AK9: variants seen among roughly 807,000 people sequenced by gnomAD.
AK9 encodes the protein adenylate kinase domain containing 1.
AK9 carries 191 observed loss-of-function variants against 239.6 expected under a neutral mutation model. The observed-to-expected ratio is 0.80, with a 90% CI of 0.71 to 0.90. The LOEUF (loss-of-function observed/expected upper bound fraction) is 0.90, where lower values mean the gene tolerates loss of function less well. Among genes scored for constraint, AK9 ranks in the 40% least tolerant of loss-of-function variants. The pLI is 0.00. For missense variants in AK9, 1,995 were observed against 2,214.7 expected, an observed-to-expected ratio of 0.90 and a Z score of 1.99; for synonymous variants, 689 against 721.0, an observed-to-expected ratio of 0.96 and a Z score of 0.71.
At chr6:109,534,063 C>T (rs1467360506) in intron 27 of AK9, among the ~76,000 whole-genome samples, 1 of 151,948 alleles carries the variant, frequency 6.6e-6, no homozygotes, top group Non-Finnish European at 1.5e-5. Flanking sequence ...CTCCTTGTAA[C>T]TGATGACAAT....
intron 23 of AK9, 22 bp downstream of exon 23, chr6:109,564,058 A>G (rs1311642702): frequency 6.5e-7 from 1 of 1,535,258 alleles, no homozygotes; most frequent in Admixed American, 2.0e-5. Context: ...TTGATAATAA[A>G]TGTTATGATT....
At chr6:109,670,276 T>G (rs1583516568) in intron 5 of AK9, among the ~76,000 whole-genome samples, 1 of 152,306 alleles carries the variant, frequency 6.6e-6, no homozygotes, top group East Asian at 1.9e-4. Context: ...GAATAACAAT[T>G]AATTTTTTAG....
intron 29 of AK9, chr6:109,528,569 A>G (rs1356671953): frequency 6.6e-6 from 3 of 457,230 alleles, no homozygotes; most frequent in Non-Finnish European, 1.3e-5. Flanking sequence ...TTGACAAAGC[A>G]ACAATTACTT....
intron 12 of AK9, among the ~76,000 whole-genome samples, chr6:109,625,592 G>C (rs1001560034): frequency 1.6e-4 from 25 of 152,164 alleles, no homozygotes; most frequent in African/African-American, 6.0e-4. Flanking sequence ...CTGCACATGC[G>C]AGGGATCTGG....
chr6:109,519,681 A>G (rs1247865984), intron 29 of AK9, among the ~76,000 whole-genome samples: 1 of 151,242 alleles, frequency 6.6e-6, no homozygotes, highest in African/African-American at 2.4e-5. Context: ...CTGCAGTCCC[A>G]GCTACTTGGA....
chr6:109,636,216 C>T (rs890879319), intron 10 of AK9, among the ~76,000 whole-genome samples: 9 of 152,102 alleles, frequency 5.9e-5, no homozygotes, highest in Non-Finnish European at 8.8e-5. Context: ...ACCTGCACAG[C>T]CCCTCCTCTC....
chr6:109,579,689 G>T (rs1788573988), intron 19 of AK9, 63 bp from the exon 20 acceptor site: 2 of 1,334,872 alleles, frequency 1.5e-6, no homozygotes, highest in South Asian at 1.3e-5. Flanking sequence ...ACTATTACAG[G>T]ATTAAATGCT....
intron 10 of AK9, 40 bp from the exon 11 acceptor site, chr6:109,633,363 A>T: frequency 6.4e-7 from 1 of 1,565,638 alleles, no homozygotes; most frequent in Non-Finnish European, 8.6e-7. Context: ...ATGGGCATAA[A>T]TTTTGCTGAA....
intron 28 of AK9, among the ~76,000 whole-genome samples, chr6:109,529,512 G>A (rs1233324228): frequency 2.6e-5 from 4 of 152,134 alleles, no homozygotes; most frequent in Admixed American, 1.3e-4. Flanking sequence ...TCCATGGACC[G>A]AAGATGGGGA....
At chr6:109,553,648 C>A (rs1191022959) in intron 24 of AK9, among the ~76,000 whole-genome samples, 4 of 152,158 alleles carry the variant, frequency 2.6e-5, no homozygotes, top group Non-Finnish European at 5.9e-5. Context: ...CATCTGCAAG[C>A]AGAGACAACT....
chr6:109,529,013 C>T lies in AK9; in HGVS notation c.3631G>A (p.Glu1211Lys), dbSNP rs1425252964. Residue 1211 changes from glutamate (E) to lysine (K), a missense_variant and splice_region_variant, in exon 29 of 41, where the codon GAG becomes AAG. Coordinates refer to ENST00000424296, the MANE Select transcript of AK9 (RefSeq NM_001145128.3). ...LILERDKKRR[E>K]NVVRDDEEIS... The stretch of plus-strand genomic sequence containing the variant: ...AAAAAAAAAACAAAACTACTTACCT[C>T]CCTCCTTTTTTTATCTCTCTCTAAT... The T allele has an allele frequency of 1.2e-6, 2 of 1,604,458 alleles. No individual in the cohort carries two copies. The highest frequency in any genetic ancestry group is 3.3e-4 in the Middle Eastern group (2 of 5,982).
At chr6:109,498,242 A>T (rs1777267921) in intron 36 of AK9, among the ~76,000 whole-genome samples, 2 of 152,228 alleles carry the variant, frequency 1.3e-5, no homozygotes. Context: ...TGGAGAGAGC[A>T]GGCCCCTGCC....
intron 16 of AK9, among the ~76,000 whole-genome samples, chr6:109,611,010 A>C (rs1338424557): frequency 1.3e-5 from 2 of 152,096 alleles, no homozygotes; most frequent in Non-Finnish European, 1.5e-5. Context: ...TTTGGTGTGA[A>C]GTGTGTCCTT....
chr6:109,558,497 TA>T lies in AK9; in HGVS notation c.2751+5099del, dbSNP rs1482693791. ...ATTAAAACTACTGTCCTTTCTCCAC[TA>T]AATTGCCTCTGTAGATTTGTCAATA... On this transcript the variant is annotated intron_variant, in intron 24 of 40. Transcript: ENST00000424296. Among the ~76,000 whole-genome samples the T allele has an allele frequency of 3.9e-5, 6 of 152,354 alleles. No individual in the cohort carries two copies. In the South Asian group the frequency reaches 6.2e-4, roughly 16 times the overall value.
At chr6:109,658,249 T>C (rs936102519) in intron 7 of AK9, among the ~76,000 whole-genome samples, 2 of 152,164 alleles carry the variant, frequency 1.3e-5, no homozygotes, top group African/African-American at 4.8e-5. Context: ...CAAAAGAAGC[T>C]ACCATTCTTC....
chr6:109,556,512 A>G (rs1047840854), intron 24 of AK9, among the ~76,000 whole-genome samples: 1 of 151,982 alleles, frequency 6.6e-6, no homozygotes, highest in Non-Finnish European at 1.5e-5. Flanking sequence ...GGAGTATCTT[A>G]ATGGTGTTCT....
intron 20 of AK9, among the ~76,000 whole-genome samples, chr6:109,577,892 C>CTCTTTCTT (rs75924671): frequency 1.3e-5 from 1 of 79,570 alleles, no homozygotes; most frequent in Non-Finnish European, 2.5e-5. Context: ...CTTTCCTTCT[C>CTCTTTCTT]TCTCTCTTTC....
Position 109,506,310 on chromosome 6 carries a change from A to G in AK9, c.4849+17T>C, listed in dbSNP as rs768695143. ...TGAAATTAATATTTTATTCTACCTT[A>G]AAAAGTGCTATCTTACCTGCTTTTA... On this transcript the variant is annotated intron_variant, in intron 35 of 40. Coordinates refer to ENST00000424296, the MANE Select transcript of AK9 (RefSeq NM_001145128.3). The G allele has an allele frequency of 1.2e-6, 2 of 1,605,336 alleles. No homozygotes were observed. Among genetic ancestry groups the G allele is most frequent in the Non-Finnish European group, 1.7e-6 (2 of 1,173,256 alleles).
At chr6:109,536,611 A>C (rs1207485861) in intron 27 of AK9, among the ~76,000 whole-genome samples, 1 of 152,070 alleles carries the variant, frequency 6.6e-6, no homozygotes, top group Non-Finnish European at 1.5e-5. Flanking sequence ...CTCCTGCCTG[A>C]TTTCCCTGGC....
Sources: allele counts gnomAD v4.1 joint callset (sites outside exome capture counted in the v4.1 genomes callset), GRCh38; gene constraint gnomAD v4.1.1; transcripts MANE v1.5; gene names NCBI Gene and HGNC (gene_info 2026-07-23, HGNC 2026-07-21).